The following PARVB variants were observed in gnomAD, a reference collection of about 807,000 sequenced individuals.
PARVB encodes beta-parvin.
PARVB carries 46 observed loss-of-function variants against 47.0 expected under a neutral mutation model. The observed-to-expected ratio is 0.98, with a 90% CI of 0.77 to 1.25. The LOEUF (loss-of-function observed/expected upper bound fraction) is 1.25. Among genes scored for constraint, PARVB ranks in the 50% most tolerant of loss-of-function variants. The pLI is 0.00. For synonymous variants in PARVB, 196 were observed against 196.3 expected, an observed-to-expected ratio of 1.00 and a Z score of 0.01; for missense variants, 473 against 471.6, an observed-to-expected ratio of 1.00 and a Z score of -0.03.
chr22:44,126,128 G>C (rs760704704), intron 4 of PARVB, among the ~76,000 whole-genome samples: 1 of 152,264 alleles, frequency 6.6e-6, no homozygotes, highest in South Asian at 2.1e-4. Flanking sequence ...TGCAGTGTAC[G>C]TGTGAACCCA....
chr22:44,151,619 G>C (rs2053812157), intron 10 of PARVB, 68 bp downstream of exon 10: 2 of 1,235,660 alleles, frequency 1.6e-6, no homozygotes, highest in South Asian at 1.2e-5. Flanking sequence ...TTGATCCCAG[G>C]TGGGGCGCGT....
At chr22:44,149,664 C>G (rs935077626) in intron 9 of PARVB, 2 of 152,406 alleles carry the variant, frequency 1.3e-5, no homozygotes, top group South Asian at 4.1e-4. Flanking sequence ...TGAAATCTCC[C>G]TTGCATTGCG....
At chr22:44,044,253 C>T (rs1445242860) in intron 1 of PARVB, among the ~76,000 whole-genome samples, 12 of 149,466 alleles carry the variant, frequency 8.0e-5, no homozygotes, top group Non-Finnish European at 1.0e-4. Flanking sequence ...TGCAATGGCC[C>T]GATCTCGGCT....
At position 44,156,498 on chromosome 22, in the gene PARVB, T is replaced by C. The variant is rs560549542; in HGVS notation, c.844-1484T>C. Among the ~76,000 whole-genome samples the C allele has an allele frequency of 2.8e-3, 433 of 152,242 alleles. 2 individuals carry two copies. Among genetic ancestry groups the C allele is most frequent in the African/African-American group, 9.9e-3 (413 of 41,560 alleles). On this transcript the variant is annotated intron_variant, in intron 10 of 12. Coordinates refer to ENST00000338758, the MANE Select transcript of PARVB (RefSeq NM_013327.5). ...TTCACCCTGTTGGTCAGGCTGGTCTTGAACTCCTGACCTTGTGATCCACCC... is the reference window on the plus strand; with the variant it reads ...TTCACCCTGTTGGTCAGGCTGGTCTCGAACTCCTGACCTTGTGATCCACCC...
chr22:44,066,781 C>CT lies in PARVB; in HGVS notation c.113-27146dup, dbSNP rs1569087858. ...GATGACATCAGTCCCTTAATTATTT[C>CT]TCCTCCTCCTCCTCCTCCTCCTCCT... On this transcript the variant is annotated intron_variant, in intron 1 of 12. Transcript: ENST00000338758. 9.3e-5 allele frequency among the ~76,000 whole-genome samples: 5 copies of CT among 53,982 alleles called. 1 individual carries two copies. The highest frequency in any genetic ancestry group is 7.7e-4 in the East Asian group (2 of 2,596). The allele number at this position is 53,982 out of a possible 152,430, so 35.4% of individuals were successfully genotyped here. A position where few individuals can be genotyped will look rare whatever the true frequency, so the allele number is the denominator to read the frequency against.
intron 1 of PARVB, among the ~76,000 whole-genome samples, chr22:44,076,218 C>A (rs2051769990): frequency 6.6e-6 from 1 of 152,182 alleles, no homozygotes; most frequent in South Asian, 2.1e-4. Context: ...GAGTTGGGGG[C>A]CCCATGGCAG....
chr22:44,128,992 C>T (rs765926722), intron 4 of PARVB, among the ~76,000 whole-genome samples: 9 of 152,118 alleles, frequency 5.9e-5, no homozygotes, highest in Admixed American at 1.3e-4. Context: ...GCAGGAGGAT[C>T]GCTTGAACCT....
At chr22:44,021,790 CACACACACACACACACACACACACACAG>C (rs2050652828), upstream of PARVB, among the ~76,000 whole-genome samples, 1 of 140,530 alleles carries the variant, frequency 7.1e-6, no homozygotes, top group African/African-American at 2.6e-5. Context: ...CACACACACA[CACACACACACACACACACACACACACAG>C]GGCCTAGTAG....
chr22:44,121,053 G>C (rs2053035390), intron 4 of PARVB, among the ~76,000 whole-genome samples: 1 of 152,152 alleles, frequency 6.6e-6, no homozygotes, highest in African/African-American at 2.4e-5. Context: ...ATGTTGGCCA[G>C]GATGGTCTTG....
At chr22:44,064,477 C>T (rs2051481378) in intron 1 of PARVB, among the ~76,000 whole-genome samples, 1 of 152,238 alleles carries the variant, frequency 6.6e-6, no homozygotes, top group South Asian at 2.1e-4. Context: ...TCCTTGGAGG[C>T]CAAAGGACGT....
In PARVB at chr22:44,081,763, G is replaced by A. The variant is rs117079862; in HGVS notation, c.113-12165G>A. 4.0e-3 allele frequency: 983 copies of A among 245,570 alleles called. 74 individuals are homozygous for A. The East Asian group carries it at 0.14, about 36-fold the overall frequency. 15.2% of individuals were successfully genotyped at this position (245,570 alleles called of 1,614,324 possible). On this transcript the variant is annotated intron_variant, in intron 1 of 12. Transcript: ENST00000338758. ...TGGCTGGGCTCGGAGGGGCGGTGACGGTGACACACGCCAGGGGAAAGGTTG... is the reference window on the plus strand; with the variant it reads ...TGGCTGGGCTCGGAGGGGCGGTGACAGTGACACACGCCAGGGGAAAGGTTG...
intron 2 of PARVB, among the ~76,000 whole-genome samples, chr22:44,010,067 A>G (rs749109507): frequency 2.6e-5 from 4 of 152,104 alleles, no homozygotes; most frequent in African/African-American, 7.2e-5. Context: ...CGGCCTCCCA[A>G]TGTGCTGGAA....
intron 6 of PARVB, among the ~76,000 whole-genome samples, chr22:44,134,198 C>A (rs1212190026): frequency 6.6e-6 from 1 of 152,172 alleles, no homozygotes; most frequent in East Asian, 1.9e-4. Flanking sequence ...CTTGACCGGA[C>A]GGGAATGCTC....
chr22:44,096,732 G>A (rs906702390), intron 2 of PARVB, among the ~76,000 whole-genome samples: 1 of 152,180 alleles, frequency 6.6e-6, no homozygotes, highest in Non-Finnish European at 1.5e-5. Context: ...TGAAGATGGT[G>A]GCCCTCATCA....
chr22:44,019,345 G>A (rs570551793), upstream of PARVB, among the ~76,000 whole-genome samples: 5 of 151,216 alleles, frequency 3.3e-5, no homozygotes, highest in Admixed American at 6.6e-5. Flanking sequence ...TCAGCCTCCC[G>A]AGTAGCTGGG....
intron 1 of PARVB, among the ~76,000 whole-genome samples, chr22:44,058,791 GCAATCCACCTGCCT>G (rs2051363881): frequency 1.3e-5 from 2 of 152,052 alleles, no homozygotes; most frequent in African/African-American, 4.8e-5. Context: ...CTGAGCTCAG[GCAATCCACCTGCCT>G]CAGCCTCCCA....
chr22:44,053,146 T>A (rs368896112), intron 1 of PARVB, among the ~76,000 whole-genome samples: 1 of 149,654 alleles, frequency 6.7e-6, no homozygotes, highest in African/African-American at 2.5e-5. Flanking sequence ...TGCATTAGTG[T>A]GATCTCGGCT....
chr22:44,066,583 A>G (rs1033094610), intron 1 of PARVB, among the ~76,000 whole-genome samples: 2 of 152,134 alleles, frequency 1.3e-5, no homozygotes, highest in African/African-American at 4.8e-5. Flanking sequence ...TGCCTGGCAC[A>G]CAGTAGGTGC....
chr22:44,165,885 C>T (rs986541061), intron 12 of PARVB, among the ~76,000 whole-genome samples: 2 of 152,248 alleles, frequency 1.3e-5, no homozygotes, highest in Admixed American at 6.5e-5. Flanking sequence ...CTGATGGTGG[C>T]TGCTAGCTCG....
Sources: gnomAD v4.1 joint callset for allele counts (sites outside exome capture counted in the v4.1 genomes callset) on GRCh38, gnomAD v4.1.1 for gene constraint, MANE v1.5 for transcripts, NCBI Gene and HGNC (gene_info 2026-07-23, HGNC 2026-07-21) for gene names.